Variants in BICC1 observed in about 807,000 individuals in gnomAD.
The protein encoded by BICC1 is protein bicaudal C homolog 1.
In BICC1, 43 loss-of-function variants were observed where a neutral mutation model predicts 111.0. The ratio of observed to expected loss-of-function variants is 0.39; its 90% CI spans 0.30 to 0.50. The LOEUF is 0.50. Ranked by LOEUF, BICC1 falls within the 20% of genes least tolerant of loss-of-function variation. The pLI, the probability that BICC1 is intolerant of heterozygous loss-of-function variation, is 0.88. For missense variants in BICC1, 1,091 were observed against 1,203.2 expected (o/e 0.91, Z 1.38); for synonymous variants, 467 against 434.4 (o/e 1.07, Z -0.93).
intron 1 of BICC1, among the ~76,000 whole-genome samples, chr10:58,593,200 C>T (rs982763007): frequency 2.2e-4 from 33 of 152,258 alleles, no homozygotes; most frequent in Admixed American, 2.0e-4. Context: ...GATTTCCTTT[C>T]TCTGGGCAGG....
intron 1 of BICC1, among the ~76,000 whole-genome samples, chr10:58,519,471 A>C (rs184379504): frequency 3.8e-4 from 58 of 152,212 alleles, no homozygotes; most frequent in Middle Eastern, 3.4e-3. Flanking sequence ...AAAGTGGAGG[A>C]GCATTAGGAC....
intron 2 of BICC1, among the ~76,000 whole-genome samples, chr10:58,626,512 G>T (rs1007283108): frequency 6.6e-6 from 1 of 152,116 alleles, no homozygotes; most frequent in South Asian, 2.1e-4. Context: ...CTTCTATCAA[G>T]AATCTAGTAA....
chr10:58,823,539 G>T, intron 20 of BICC1: 6 of 984,038 alleles, frequency 6.1e-6, no homozygotes, highest in Non-Finnish European at 7.2e-6. Context: ...CTGTTTCAAA[G>T]ATCTAGCTGA....
intron 1 of BICC1, among the ~76,000 whole-genome samples, chr10:58,544,983 C>A (rs2131895039): frequency 6.6e-6 from 1 of 152,200 alleles, no homozygotes; most frequent in Middle Eastern, 3.4e-3. Context: ...AGACAGCTAT[C>A]TACAAGCCAA....
At chr10:58,660,215 C>A (rs1443693616) in intron 2 of BICC1, among the ~76,000 whole-genome samples, 1 of 152,168 alleles carries the variant, frequency 6.6e-6, no homozygotes, top group African/African-American at 2.4e-5. Flanking sequence ...AGCACCCAAA[C>A]CTGGAGTACT....
At chr10:58,645,898 T>G (rs1226047406) in intron 2 of BICC1, among the ~76,000 whole-genome samples, 1 of 152,232 alleles carries the variant, frequency 6.6e-6, no homozygotes, top group Non-Finnish European at 1.5e-5. Flanking sequence ...CTGCTGAGTT[T>G]ATGCTTATTG....
chr10:58,765,838 A>G (rs2132701223), intron 3 of BICC1, among the ~76,000 whole-genome samples: 1 of 152,216 alleles, frequency 6.6e-6, no homozygotes, highest in South Asian at 2.1e-4. Flanking sequence ...TCTTAAAGTC[A>G]CTCTATTAAA....
At chr10:58,624,848 C>T (rs1347895702) in intron 2 of BICC1, among the ~76,000 whole-genome samples, 1 of 152,182 alleles carries the variant, frequency 6.6e-6, no homozygotes, top group African/African-American at 2.4e-5. Flanking sequence ...CCCACCTCAG[C>T]CTCCCAAAGT....
At chr10:58,813,787 C>A (rs983093215) in intron 17 of BICC1, 43 bp from the exon 18 acceptor site, 2 of 1,596,254 alleles carry the variant, frequency 1.3e-6, no homozygotes, top group South Asian at 2.3e-5. Context: ...CTGAAAAACC[C>A]ACCTGATTAA....
At chr10:58,653,960 T>C (rs1212900060) in intron 2 of BICC1, among the ~76,000 whole-genome samples, 2 of 151,466 alleles carry the variant, frequency 1.3e-5, no homozygotes, top group Non-Finnish European at 2.9e-5. Context: ...TGATAGTTTA[T>C]TGAGAATGAT....
chr10:58,772,311 A>G lies in BICC1; in HGVS notation c.308-12690A>G, dbSNP rs538033908. 2.0e-5 allele frequency among the ~76,000 whole-genome samples: 3 copies of G among 152,316 alleles called. No homozygotes were observed. The East Asian group carries it at 5.8e-4, about 29-fold the overall frequency. ...TTTAAAAAAAGAGCAAGAGTTAAAC[A>G]ACAATTAGATTCAGTTGTGGCTTCT... On this transcript the variant is annotated intron_variant, in intron 3 of 20. Coordinates refer to ENST00000373886, the MANE Select transcript of BICC1 (RefSeq NM_001080512.3).
At chr10:58,723,376 T>C (rs1589063637) in intron 3 of BICC1, among the ~76,000 whole-genome samples, 1 of 152,194 alleles carries the variant, frequency 6.6e-6, no homozygotes, top group Non-Finnish European at 1.5e-5. Flanking sequence ...CAGCTGCTTA[T>C]GGAAAATGCA....
At chr10:58,520,521 A>G (rs1842360969) in intron 1 of BICC1, among the ~76,000 whole-genome samples, 1 of 152,162 alleles carries the variant, frequency 6.6e-6, no homozygotes, top group South Asian at 2.1e-4. Context: ...AACAAGTATT[A>G]AATCTTGTTC....
chr10:58,638,651 G>A (rs1838022011), intron 2 of BICC1, among the ~76,000 whole-genome samples: 2 of 152,122 alleles, frequency 1.3e-5, no homozygotes, highest in Admixed American at 1.3e-4. Context: ...GGCAGGGGGT[G>A]ATGAGAAAGG....
chr10:58,634,787 A>G (rs2393456), intron 2 of BICC1, among the ~76,000 whole-genome samples: 151,458 of 152,276 alleles, frequency 0.99, 75,323 homozygotes, highest in Middle Eastern at 1. Context: ...TGATAAAATC[A>G]TCAAATAACA....
At chr10:58,580,162 T>A (rs1844240307) in intron 1 of BICC1, among the ~76,000 whole-genome samples, 1 of 152,106 alleles carries the variant, frequency 6.6e-6, no homozygotes, top group Non-Finnish European at 1.5e-5. Context: ...TAGCTGGGAT[T>A]ACAGGCACCC....
At chr10:58,627,597 G>A (rs1411951011) in intron 2 of BICC1, among the ~76,000 whole-genome samples, 1 of 152,168 alleles carries the variant, frequency 6.6e-6, no homozygotes, top group East Asian at 1.9e-4. Context: ...ACATTTTTGT[G>A]TGGGTCAGAA....
chr10:58,534,546 A>G (rs1842778159), intron 1 of BICC1, among the ~76,000 whole-genome samples: 1 of 151,716 alleles, frequency 6.6e-6, no homozygotes, highest in Non-Finnish European at 1.5e-5. Context: ...AATTATAAAC[A>G]TTAAAGTCAT....
At chr10:58,714,856 G>A (rs932973363) in intron 3 of BICC1, among the ~76,000 whole-genome samples, 2 of 150,364 alleles carry the variant, frequency 1.3e-5, no homozygotes, top group Admixed American at 6.6e-5. Context: ...ACACTGTGTG[G>A]CATTTCTCAT....
Sources: gnomAD v4.1 joint callset for allele counts (sites outside exome capture counted in the v4.1 genomes callset) on GRCh38, gnomAD v4.1.1 for gene constraint, MANE v1.5 for transcripts, NCBI Gene and HGNC (gene_info 2026-07-23, HGNC 2026-07-21) for gene names.